Variants in EIF2B2 observed in about 807,000 individuals in gnomAD.
EIF2B2 encodes translation initiation factor eIF2B subunit beta.
A neutral mutation model predicts 34.7 loss-of-function variants in EIF2B2; 34 were observed. The observed-to-expected ratio is 0.98, with a 90% CI of 0.75 to 1.31. The LOEUF is 1.31. Among genes scored for constraint, EIF2B2 ranks in the 50% most tolerant of loss-of-function variants. The pLI, the probability that EIF2B2 is intolerant of heterozygous loss-of-function variation, is 0.00. For missense variants in EIF2B2, 361 were observed against 447.7 expected (o/e 0.81, Z 1.75); for synonymous variants, 155 against 171.6 (o/e 0.90, Z 0.76).
At chr14:75,004,657 T>C (rs1889591599) in intron 3 of EIF2B2, 80 bp from the exon 4 acceptor site, 1 of 485,480 alleles carries the variant, frequency 2.1e-6, no homozygotes, top group East Asian at 6.4e-5. Context: ...GTTTGTGATA[T>C]AGCAATTTCA....
Position 75,006,645 on chromosome 14 carries a change from G to C in EIF2B2, c.762G>C (p.Leu254=), listed in dbSNP as rs771642041. 5 of 1,614,172 alleles carry C rather than the reference G, an allele frequency of 3.1e-6. No homozygotes were observed. In the Admixed American group the frequency reaches 8.3e-5, roughly 27 times the overall value. The part of the protein sequence containing the change: ...ALRAVTGTHT[L]ALAAKHHSTP... ...GAGCTGTGACAGGAACTCACACTCT[G>C]GCACTGGCAGCAAAACACCATTCCA... The change falls in exon 6 of 8, where the codon CTG becomes CTC. Residue 254 remains leucine (L), a synonymous_variant. Transcript: ENST00000266126. This position sits in a 1 kb window ranked among gnomAD's most constrained non-coding sequence, Gnocchi z 4.1.
chr14:75,008,606 T>G lies in EIF2B2; in HGVS notation c.899-425T>G, dbSNP rs988253405. On this transcript the variant is annotated intron_variant, in intron 7 of 7. Transcript: ENST00000266126. ...AGGGGCCTGAGATTGAGGAAGGGTCTTAATGAGATGACATTTCAGCTGAGT... is the reference window on the plus strand; with the variant it reads ...AGGGGCCTGAGATTGAGGAAGGGTCGTAATGAGATGACATTTCAGCTGAGT... 9.3e-6 allele frequency: 3 copies of G among 322,604 alleles called. No individual in the cohort carries two copies. In the Admixed American group the frequency reaches 1.2e-4, roughly 13 times the overall value. The allele number at this position is 322,604 out of a possible 1,614,324, so 20.0% of individuals were successfully genotyped here.
chr14:75,008,945 C>A, intron 7 of EIF2B2, 86 bp from the exon 8 acceptor site: 1 of 1,575,538 alleles, frequency 6.3e-7, no homozygotes, highest in South Asian at 1.1e-5. Flanking sequence ...AATATGCCTG[C>A]ATTCTCGAGC....
Position 75,006,052 on chromosome 14 carries a change from A to G in EIF2B2, c.693+91A>G, listed in dbSNP as rs1421584779. On this transcript the variant is annotated intron_variant, in intron 5 of 7. Coordinates refer to ENST00000266126, the MANE Select transcript of EIF2B2 (RefSeq NM_014239.4). The surrounding 1 kb of genome is among the most constrained non-coding windows in gnomAD (Gnocchi z 4.1). ...CCTCCTGTAATATCCACGGTGAGAG[A>G]ATAAAGTTTCTAGCACCTTTCAAAG... 4 of 1,088,510 alleles carry G rather than the reference A, an allele frequency of 3.7e-6. No homozygotes were observed. Among genetic ancestry groups the G allele is most frequent in the Non-Finnish European group, 5.6e-6 (4 of 708,136 alleles). The allele number at this position is 1,088,510 out of a possible 1,614,324, so 67.4% of individuals were successfully genotyped here.
At chr14:75,003,476 T>C in intron 2 of EIF2B2, 75 bp from the exon 3 acceptor site, 1 of 1,614,124 alleles carries the variant, frequency 6.2e-7, no homozygotes, top group Non-Finnish European at 8.5e-7. Flanking sequence ...GAGACTTTAT[T>C]GGAGCTGAAC....
rs113994018 is a variant in EIF2B2 at position 75,009,042 on chromosome 14, G to T, written c.910G>T (p.Glu304Ter). 21 of 1,613,990 alleles carry T rather than the reference G, an allele frequency of 1.3e-5. No homozygotes were observed. The highest frequency in any genetic ancestry group is 1.8e-5 in the Non-Finnish European group (21 of 1,180,018). ...TGCTTGCCTTTCAGGGGACATTCTG[G>T]AGAAGGTCAGCGTGCATTGCCCTGT... ...VLPFTEGDIL[E>*]KVSVHCPVFD... Residue 304 changes from glutamate to a stop codon, truncating the protein, a stop_gained, in exon 8 of 8, where the codon GAG becomes TAG. Coordinates refer to ENST00000266126, the MANE Select transcript of EIF2B2 (RefSeq NM_014239.4). LOFTEE classifies it high-confidence loss of function.
chr14:75,003,132 G>T lies in EIF2B2; in HGVS notation c.142G>T (p.Asp48Tyr). The T allele has an allele frequency of 6.2e-7, 1 of 1,613,480 alleles. No homozygotes were observed. The highest frequency in any genetic ancestry group is 1.1e-5 in the South Asian group (1 of 91,076). Residue 48 changes from aspartate (D) to tyrosine (Y), a missense_variant, in exon 1 of 8, where the codon GAC becomes TAC. Physicochemically the swap from Asp to Tyr is radical, Grantham distance 160. Transcript: ENST00000266126. Reference protein sequence around the residue: ...TLGLLRQIITDHRWSNAGELM... With the variant: ...TLGLLRQIITYHRWSNAGELM... ...AGGGTTGCTGCGCCAGATCATCACG[G>T]ACCACCGCTGGAGCAACGCGGGTGA...
At position 75,003,706 on chromosome 14, in the gene EIF2B2, G is replaced by C. The variant is rs760706892; in HGVS notation, c.433+7G>C. ...GAGCTGCTAGTGGAGCTGGGTAAGA[G>C]GCCTGATCGCTGGGAAAATGGGACT... On this transcript the variant is annotated splice_region_variant and intron_variant, in intron 3 of 7. Coordinates refer to ENST00000266126, the MANE Select transcript of EIF2B2 (RefSeq NM_014239.4). The C allele has an allele frequency of 1.2e-6, 2 of 1,614,166 alleles. No homozygotes were observed. Among genetic ancestry groups the C allele is most frequent in the South Asian group, 1.1e-5 (1 of 91,074 alleles).
chr14:75,009,586 G>C lies in EIF2B2; in HGVS notation c.*398G>C, dbSNP rs998007996. The C allele has an allele frequency of 6.7e-6, 2 of 300,280 alleles. No homozygotes were observed. The highest frequency in any genetic ancestry group is 1.3e-5 in the Non-Finnish European group (2 of 154,330). The allele number at this position is 300,280 out of a possible 1,614,324, so 18.6% of individuals were successfully genotyped here. A position where few individuals can be genotyped will look rare whatever the true frequency, so the allele number is the denominator to read the frequency against. On this transcript the variant is annotated 3_prime_UTR_variant, in exon 8 of 8. Transcript: ENST00000266126. ...CTCTACCAATAAAAGCCACTTGAAG[G>C]TTCCATAGTTGGTTTATTTATTGTC...
In EIF2B2 at chr14:75,007,710, T is replaced by C. The variant is rs1384728865; in HGVS notation, c.832-12T>C. 6.2e-7 allele frequency: 1 copy of C among 1,612,526 alleles called. No individual in the cohort carries two copies. Among genetic ancestry groups the C allele is most frequent in the Non-Finnish European group, 8.5e-7 (1 of 1,179,128 alleles). ...CTGGGTCTCTAGTTTTTATAAATTT[T>C]TTCCTTTTTAGTTCCCCAATGAAGA... On this transcript the variant is annotated splice_polypyrimidine_tract_variant and intron_variant, in intron 6 of 7. Transcript: ENST00000266126.
At position 75,011,626 on chromosome 14, in the gene EIF2B2, C is replaced by G. The variant is rs1889705496; in HGVS notation, c.*2438C>G. ...GACCTCAGAAAGTCGGCATTTTACA[C>G]TGACCTAAAAGCTGTATGACTCAGA... On this transcript the variant is annotated 3_prime_UTR_variant, in exon 8 of 8. Transcript: ENST00000266126. 6.6e-6 allele frequency: 1 copy of G among 152,204 alleles called. No individual in the cohort carries two copies. The highest frequency in any genetic ancestry group is 1.5e-5 in the Non-Finnish European group (1 of 68,030). 9.4% of individuals were successfully genotyped at this position (152,204 alleles called of 1,614,324 possible).
At chr14:75,007,332 C>T (rs1889641709) in intron 6 of EIF2B2, 1 of 347,852 alleles carries the variant, frequency 2.9e-6, no homozygotes, top group Non-Finnish European at 5.5e-6. Context: ...AGTAATCTCT[C>T]CCTATTTGTC....
At position 75,005,950 on chromosome 14, in the gene EIF2B2, A is replaced by G. The variant is rs748685143; in HGVS notation, c.682A>G (p.Arg228Gly). The G allele has an allele frequency of 1.2e-6, 2 of 1,613,064 alleles. No individual in the cohort carries two copies. The highest frequency in any genetic ancestry group is 1.1e-5 in the South Asian group (1 of 91,048). Residue 228 changes from arginine (R) to glycine (G), a missense_variant, in exon 5 of 8, where the codon AGA becomes GGA. Coordinates refer to ENST00000266126, the MANE Select transcript of EIF2B2 (RefSeq NM_014239.4). ...TGCTGCCATTTTTGCCGTTATGTCA[A>G]GAGTCAACAAGGTGGGTATATCTGG... is the stretch of plus-strand genomic sequence containing the variant. ...TDAAIFAVMSRVNKVIIGTKT... is the reference protein window; with the variant it reads ...TDAAIFAVMSGVNKVIIGTKT...
At chr14:75,007,607 G>C in intron 6 of EIF2B2, 115 bp from the exon 7 acceptor site, 2 of 852,452 alleles carry the variant, frequency 2.3e-6, no homozygotes, top group Non-Finnish European at 3.8e-6. Context: ...GAATAATGCT[G>C]CTATAAGCAT....
In EIF2B2 at chr14:75,004,809, G is replaced by C; in HGVS notation, c.506G>C (p.Gly169Ala). The C allele has an allele frequency of 6.2e-7, 1 of 1,609,634 alleles. No homozygotes were observed. The highest frequency in any genetic ancestry group is 8.5e-7 in the Non-Finnish European group (1 of 1,179,100). The stretch of plus-strand genomic sequence containing the variant: ...TCCAATGAGGTGATCATGACCATTG[G>C]CTTCTCCCGAACAGTAGAGGCCTTC... The part of the protein sequence containing the change: ...IHSNEVIMTI[G>A]FSRTVEAFLK... Residue 169 changes from glycine (G) to alanine (A), a missense_variant, in exon 4 of 8, where the codon GGC (glycine) becomes GCC (alanine). Gly to Ala is a moderately conservative substitution (Grantham distance 60, BLOSUM62 0). Coordinates refer to ENST00000266126, the MANE Select transcript of EIF2B2 (RefSeq NM_014239.4).
At position 75,007,914 on chromosome 14, in the gene EIF2B2, A is replaced by G. The variant is rs183903269; in HGVS notation, c.898+126A>G. 4.7e-5 allele frequency: 42 copies of G among 899,406 alleles called. No homozygotes were observed. In the Admixed American group the frequency reaches 8.5e-4, roughly 18 times the overall value. The allele number at this position is 899,406 out of a possible 1,614,324, so 55.7% of individuals were successfully genotyped here. The stretch of plus-strand genomic sequence containing the variant: ...TGAATGCTGTCAAGTTGTGTTTTTT[A>G]TCATACTTCTTGTGGGGACTGTTTT... On this transcript the variant is annotated intron_variant, in intron 7 of 7. Transcript: ENST00000266126.
Position 75,003,164 on chromosome 14 carries a change from C to T in EIF2B2, c.163+11C>T. 2 of 1,613,312 alleles carry T rather than the reference C, an allele frequency of 1.2e-6. No homozygotes were observed. Among genetic ancestry groups the T allele is most frequent in the Non-Finnish European group, 1.7e-6 (2 of 1,179,926 alleles). ...GCTGGAGCAACGCGGGTGAGGCCGG[C>T]CTGCCTCCGCCGGCGAACCTGGCCC... On this transcript the variant is annotated intron_variant, in intron 1 of 7. Coordinates refer to ENST00000266126, the MANE Select transcript of EIF2B2 (RefSeq NM_014239.4).
chr14:75,009,305 A>T lies in EIF2B2; in HGVS notation c.*117A>T. Reference sequence around the variant, plus strand: ...GGGAGTGCACAGGAGTCCACCTAAAAAAAAAATCCTTGATACTGTTGCCTG... The same window carrying T: ...GGGAGTGCACAGGAGTCCACCTAAATAAAAAATCCTTGATACTGTTGCCTG... On this transcript the variant is annotated 3_prime_UTR_variant, in exon 8 of 8. Coordinates refer to ENST00000266126, the MANE Select transcript of EIF2B2 (RefSeq NM_014239.4). The T allele has an allele frequency of 1.5e-6, 2 of 1,319,904 alleles. No homozygotes were observed. The highest frequency in any genetic ancestry group is 1.4e-5 in the African/African-American group (1 of 69,100). 81.8% of individuals were successfully genotyped at this position (1,319,904 alleles called of 1,614,324 possible). A position where few individuals can be genotyped will look rare whatever the true frequency, so the allele number is the denominator to read the frequency against.
chr14:75,011,969 T>TA lies in EIF2B2; in HGVS notation c.*2782dup, dbSNP rs1287742300. Reference sequence around the variant, plus strand: ...CTGAGTTGGATGAAGGTTATAAGGGTAGAAGCTCTCTTTCTGGTCAGCTCT... The same window carrying TA: ...CTGAGTTGGATGAAGGTTATAAGGGTAAGAAGCTCTCTTTCTGGTCAGCTCT... On this transcript the variant is annotated 3_prime_UTR_variant, in exon 8 of 8. Transcript: ENST00000266126. 2.0e-5 allele frequency: 3 copies of TA among 152,200 alleles called. No individual in the cohort carries two copies. The highest frequency in any genetic ancestry group is 7.2e-5 in the African/African-American group (3 of 41,444). 9.4% of individuals were successfully genotyped at this position (152,200 alleles called of 1,614,324 possible). A position where few individuals can be genotyped will look rare whatever the true frequency, so the allele number is the denominator to read the frequency against.
Sources: allele counts gnomAD v4.1 joint callset, GRCh38; gene constraint gnomAD v4.1.1; non-coding constraint Gnocchi (gnomAD v3.1); transcripts MANE v1.5; gene names NCBI Gene and HGNC (gene_info 2026-07-23, HGNC 2026-07-21).